The following B3GAT3 variants were observed in gnomAD, a reference collection of about 807,000 sequenced individuals.
The protein encoded by B3GAT3 is galactosylgalactosylxylosylprotein 3-beta-glucuronosyltransferase 3.
Under a neutral mutation model 33.1 loss-of-function variants are expected in B3GAT3, and 19 were observed. The ratio of observed to expected loss-of-function variants is 0.57; its 90% CI spans 0.40 to 0.84. The LOEUF (loss-of-function observed/expected upper bound fraction) is 0.84, where lower values mean the gene tolerates loss of function less well. Among genes scored for constraint, B3GAT3 ranks in the 40% least tolerant of loss-of-function variants. The pLI is 0.00. For missense variants in B3GAT3, 344 were observed against 441.5 expected (o/e 0.78, Z 1.98); for synonymous variants, 167 against 193.5 (o/e 0.86, Z 1.14).
intron 2 of B3GAT3, among the ~76,000 whole-genome samples, chr11:62,620,015 T>C (rs1443700145): frequency 5.9e-5 from 9 of 152,148 alleles, no homozygotes; most frequent in Non-Finnish European, 1.3e-4. Context: ...TTTTTTTTCT[T>C]TTTTCTTTTG....
intron 2 of B3GAT3, among the ~76,000 whole-genome samples, chr11:62,618,196 A>G (rs1201986566): frequency 2.0e-5 from 3 of 150,810 alleles, no homozygotes; most frequent in African/African-American, 7.3e-5. Context: ...AAAAAAAAAA[A>G]AAAAAAAACA....
intron 2 of B3GAT3, 187 bp from the exon 3 acceptor site, chr11:62,617,534 T>C (rs1230209540): frequency 1.3e-6 from 1 of 760,458 alleles, no homozygotes; most frequent in African/African-American, 1.7e-5. Context: ...TTCTGGTCCA[T>C]GTCCATCACC....
chr11:62,615,860 G>A lies in B3GAT3; in HGVS notation c.910-61C>T, dbSNP rs143252096. 4.8e-5 allele frequency: 77 copies of A among 1,591,112 alleles called. No individual in the cohort carries two copies. The Middle Eastern group carries it at 8.3e-4, about 17-fold the overall frequency. The stretch of plus-strand genomic sequence containing the variant: ...GCTGCAGCCAGGCCTCTGGGTCCCC[G>A]AGCCTGGAATGGATTCTCTAACCCT... On this transcript the variant is annotated intron_variant, in intron 4 of 4. Transcript: ENST00000265471.
rs200817074 is a variant in B3GAT3 at position 62,620,552 on chromosome 11, G to T, written c.202C>A (p.Pro68Thr). ...GTAGGCAGGGCCTCGGGTTCAGGGG[G>T]CTGGGCAGGGGCAGGGGGTGGCCGT... is the stretch of plus-strand genomic sequence containing the variant. ...LRRPPPAPAQ[P>T]PEPEALPTIY... is the part of the protein sequence containing the mutation. The change falls in exon 2 of 5, where the codon CCC becomes ACC. Residue 68 changes from proline (P) to threonine (T), a missense_variant. Physicochemically the swap from Pro to Thr is conservative, Grantham distance 38. Transcript: ENST00000265471. The T allele has an allele frequency of 2.5e-6, 4 of 1,612,886 alleles. No individual in the cohort carries two copies. In the South Asian group the frequency reaches 4.4e-5, roughly 18 times the overall value.
chr11:62,615,658 G>C lies in B3GAT3; in HGVS notation c.*43C>G. 6.2e-7 allele frequency: 1 copy of C among 1,600,510 alleles called. No individual in the cohort carries two copies. Among genetic ancestry groups the C allele is most frequent in the Non-Finnish European group, 8.5e-7 (1 of 1,174,914 alleles). On this transcript the variant is annotated 3_prime_UTR_variant, in exon 5 of 5. Coordinates refer to ENST00000265471, the MANE Select transcript of B3GAT3 (RefSeq NM_012200.4). ...GCAGGCCTGGGGCCCAGTCCCACAA[G>C]GTCTGTGCCTGAAAAGAGGTGGTAG...
chr11:62,618,168 ACT>A (rs1490265031), intron 2 of B3GAT3, among the ~76,000 whole-genome samples: 12 of 102,398 alleles, frequency 1.2e-4, no homozygotes, highest in African/African-American at 3.9e-4. Flanking sequence ...CAAGAGCGAA[ACT>A]CTGTCTCAAA....
chr11:62,619,138 A>C (rs994835929), intron 2 of B3GAT3, among the ~76,000 whole-genome samples: 1 of 151,316 alleles, frequency 6.6e-6, no homozygotes, highest in Non-Finnish European at 1.5e-5. Flanking sequence ...GCAACAGAGC[A>C]AGACTCCATC....
chr11:62,619,059 G>A (rs1160502025), intron 2 of B3GAT3, among the ~76,000 whole-genome samples: 1 of 151,864 alleles, frequency 6.6e-6, no homozygotes, highest in Non-Finnish European at 1.5e-5. Context: ...GCTGAGGCAG[G>A]AGAATCGCTT....
intron 2 of B3GAT3, 91 bp from the exon 3 acceptor site, chr11:62,617,438 G>T: frequency 6.4e-7 from 1 of 1,566,788 alleles, no homozygotes; most frequent in Non-Finnish European, 8.7e-7. Context: ...GCCACTGCCT[G>T]CGTCTCCTGT....
At chr11:62,615,945 C>A in intron 4 of B3GAT3, 146 bp from the exon 5 acceptor site, 3 of 1,513,838 alleles carry the variant, frequency 2.0e-6, no homozygotes, top group Non-Finnish European at 2.6e-6. Flanking sequence ...AGACTTAGTG[C>A]CTCTAAAACC....
Position 62,617,265 on chromosome 11 carries a change from C to T in B3GAT3, c.340G>A (p.Ala114Thr), listed in dbSNP as rs1321583145. The T allele has an allele frequency of 4.3e-6, 7 of 1,613,008 alleles. No homozygotes were observed. The South Asian group carries it at 7.7e-5, about 18-fold the overall frequency. ...GAGACCAGCGGGGTGGGACCCTCAG[C>T]ATCCTCCACCAGCAGCCAATGCAGC... ...PRLHWLLVED[A>T]EGPTPLVSGL... The change falls in exon 3 of 5, where the codon GCT (alanine) becomes ACT (threonine). Residue 114 changes from alanine to threonine, a missense_variant. Ala to Thr is a moderately conservative substitution (Grantham distance 58). Coordinates refer to ENST00000265471, the MANE Select transcript of B3GAT3 (RefSeq NM_012200.4).
chr11:62,619,008 T>A (rs554770261), intron 2 of B3GAT3, among the ~76,000 whole-genome samples: 14 of 110,200 alleles, frequency 1.3e-4, no homozygotes, highest in African/African-American at 5.1e-4. Flanking sequence ...AAAATTAGCC[T>A]GGTGTGGTGG....
Position 62,621,459 on chromosome 11 carries a change from G to A in B3GAT3, c.82+407C>T, listed in dbSNP as rs371544354. The stretch of plus-strand genomic sequence containing the variant: ...GGTGACATTTGAGCTAAGACCTGAA[G>A]GATGAGAAAGAGGCAGCCCGGGAAA... On this transcript the variant is annotated intron_variant, in intron 1 of 4. Transcript: ENST00000265471. Among the ~76,000 whole-genome samples the A allele has an allele frequency of 2.6e-5, 4 of 152,156 alleles. No homozygotes were observed. The South Asian group carries it at 6.2e-4, about 24-fold the overall frequency.
At chr11:62,621,221 G>A (rs1255435053) in intron 1 of B3GAT3, 1 of 456,520 alleles carries the variant, frequency 2.2e-6, no homozygotes, top group Admixed American at 2.3e-5. Context: ...TAGGTGCTGG[G>A]GATACAGCAG....
Position 62,617,097 on chromosome 11 carries a change from C to A in B3GAT3, c.508G>T (p.Gly170Cys). ...TCCCCACCCACAGCACCCCCTCTGCCCCGGAGCCAGTCCAGGGCCTTGTTC... is the reference window on the plus strand; with the variant it reads ...TCCCCACCCACAGCACCCCCTCTGCACCGGAGCCAGTCCAGGGCCTTGTTC... ...QRNKALDWLR[G>C]RGGAVGGEKD... Residue 170 changes from glycine to cysteine, a missense_variant, in exon 3 of 5, where the codon GGC becomes TGC. Transcript: ENST00000265471. The A allele has an allele frequency of 6.2e-7, 1 of 1,614,086 alleles. No homozygotes were observed. The highest frequency in any genetic ancestry group is 8.5e-7 in the Non-Finnish European group (1 of 1,180,018).
Position 62,616,666 on chromosome 11 carries a change from G to C in B3GAT3, c.749C>G (p.Pro250Arg). Residue 250 changes from proline (P) to arginine (R), a missense_variant, in exon 4 of 5, where the codon CCT becomes CGT. Pro to Arg is a moderately radical substitution (Grantham distance 103). Coordinates refer to ENST00000265471, the MANE Select transcript of B3GAT3 (RefSeq NM_012200.4). ...HTAWEPSRPF[P>R]VDMAGFAVAL... The stretch of plus-strand genomic sequence containing the variant: ...CACGGCAAATCCAGCCATATCCACA[G>C]GGAAGGGCCTGCTGGGCTCCCATGC... 1 of 1,614,236 alleles carries C rather than the reference G, an allele frequency of 6.2e-7. No homozygotes were observed. The highest frequency in any genetic ancestry group is 8.5e-7 in the Non-Finnish European group (1 of 1,180,042).
At chr11:62,620,805 C>G (rs949878768) in intron 1 of B3GAT3, 134 bp from the exon 2 acceptor site, 1 of 806,436 alleles carries the variant, frequency 1.2e-6, no homozygotes, top group South Asian at 1.7e-5. Flanking sequence ...TCCCTAGTAG[C>G]CTTTTCTATA....
rs764296617 is a variant in B3GAT3, at chr11:62,616,671, G to A, written c.744C>T (p.Pro248=). 5.6e-6 allele frequency: 9 copies of A among 1,614,232 alleles called. No individual in the cohort carries two copies. The highest frequency in any genetic ancestry group is 7.6e-6 in the Non-Finnish European group (9 of 1,180,040). ...CAAATCCAGCCATATCCACAGGGAA[G>A]GGCCTGCTGGGCTCCCATGCTGTGT... ...GFHTAWEPSR[P]FPVDMAGFAV... is the part of the protein sequence containing the mutation. Residue 248 remains proline (P), a synonymous_variant, in exon 4 of 5, where the codon CCC becomes CCT. Coordinates refer to ENST00000265471, the MANE Select transcript of B3GAT3 (RefSeq NM_012200.4).
intron 2 of B3GAT3, among the ~76,000 whole-genome samples, chr11:62,618,177 CAAAAA>C (rs150492409): frequency 2.2e-5 from 1 of 46,278 alleles, no homozygotes; most frequent in African/African-American, 1.0e-4. Flanking sequence ...AACTCTGTCT[CAAAAA>C]AAAAAAAAAA....
Sources: allele counts gnomAD v4.1 joint callset (sites outside exome capture counted in the v4.1 genomes callset), GRCh38; gene constraint gnomAD v4.1.1; transcripts MANE v1.5; gene names NCBI Gene and HGNC (gene_info 2026-07-23, HGNC 2026-07-21).